The following CBFA2T3 variants were observed in gnomAD, a reference collection of about 807,000 sequenced individuals.
CBFA2T3 encodes the protein CBFA2/RUNX1 partner transcriptional co-repressor 3, also known as transcriptional corepressor CBFA2T3.
Under a neutral mutation model 58.6 loss-of-function variants are expected in CBFA2T3, and 31 were observed. The observed-to-expected ratio is 0.53, with a 90% CI of 0.40 to 0.71. The LOEUF (loss-of-function observed/expected upper bound fraction) is 0.71, where lower values mean the gene tolerates loss of function less well. CBFA2T3 is among the 30% of genes least tolerant of loss of function. CBFA2T3 has a pLI of 0.00. For synonymous variants in CBFA2T3, 531 were observed against 421.9 expected, an observed-to-expected ratio of 1.26 and a Z score of -3.17; for missense variants, 1,076 against 963.1, an observed-to-expected ratio of 1.12 and a Z score of -1.55.
chr16:88,968,125 G>A (rs1037680465), intron 1 of CBFA2T3, among the ~76,000 whole-genome samples: 5 of 152,238 alleles, frequency 3.3e-5, no homozygotes, highest in East Asian at 1.9e-4. Flanking sequence ...TACCGCCCAT[G>A]CTGGGGCCCA....
chr16:88,878,026 C>G (rs1051605309), intron 11 of CBFA2T3, among the ~76,000 whole-genome samples: 6 of 152,250 alleles, frequency 3.9e-5, no homozygotes, highest in African/African-American at 1.2e-4. Flanking sequence ...AGCTTCCCTG[C>G]GGACTAGGCA....
At chr16:88,891,005 G>A (rs894575828) in intron 5 of CBFA2T3, among the ~76,000 whole-genome samples, 6 of 152,258 alleles carry the variant, frequency 3.9e-5, no homozygotes, top group African/African-American at 1.4e-4. Flanking sequence ...GATTCAGCAG[G>A]TTTGGGCCGG....
chr16:88,881,221 G>C, intron 9 of CBFA2T3, 70 bp downstream of exon 9: 3 of 1,372,566 alleles, frequency 2.2e-6, no homozygotes, highest in African/African-American at 1.4e-5. Context: ...TTGCCTGCCT[G>C]ACAGCTCCCA....
chr16:88,902,151 T>C (rs1170891243), intron 1 of CBFA2T3, among the ~76,000 whole-genome samples: 2 of 152,170 alleles, frequency 1.3e-5, no homozygotes, highest in East Asian at 3.9e-4. Flanking sequence ...AAGCCATGGT[T>C]CTAAGAGTCC....
At chr16:88,920,531 C>G (rs1381029292) in intron 1 of CBFA2T3, among the ~76,000 whole-genome samples, 1 of 152,000 alleles carries the variant, frequency 6.6e-6, no homozygotes, top group African/African-American at 2.4e-5. Context: ...GTGATCCGCC[C>G]ACCTCGGCTT....
Position 88,885,282 on chromosome 16 carries a change from G to A in CBFA2T3, c.894-13C>T, listed in dbSNP as rs1439307282. ...GTTCTCTTTGGTCCTAGCCCCAAGAGCAGGTGGGGCGAGGGCAGTGGACAT... is the reference window on the plus strand; with the variant it reads ...GTTCTCTTTGGTCCTAGCCCCAAGAACAGGTGGGGCGAGGGCAGTGGACAT... On this transcript the variant is annotated splice_polypyrimidine_tract_variant and intron_variant, in intron 6 of 11. Transcript: ENST00000268679. The surrounding 1 kb of genome is among the most constrained non-coding windows in gnomAD (Gnocchi z 5.3). 3.3e-6 allele frequency: 5 copies of A among 1,518,112 alleles called. No individual in the cohort carries two copies. In the East Asian group the frequency reaches 1.2e-4, roughly 36 times the overall value. The allele number at this position is 1,518,112 out of a possible 1,614,324, so 94.0% of individuals were successfully genotyped here.
chr16:88,908,756 C>T lies in CBFA2T3; in HGVS notation c.152-7100G>A, dbSNP rs186688739. ...CTGCTTCCGCTGTAACCTTCTTTGA[C>T]CCCTCACAAAAGCCTTGGGGCATAG... On this transcript the variant is annotated intron_variant, in intron 1 of 11. Coordinates refer to ENST00000268679, the MANE Select transcript of CBFA2T3 (RefSeq NM_005187.6). 3.6e-3 allele frequency among the ~76,000 whole-genome samples: 555 copies of T among 152,378 alleles called. 2 individuals are homozygous for T. The highest frequency in any genetic ancestry group is 0.013 in the African/African-American group (532 of 41,586).
In CBFA2T3 at chr16:88,920,276, C is replaced by T. The variant is rs60408069; in HGVS notation, c.152-18620G>A. 9.9e-3 allele frequency among the ~76,000 whole-genome samples: 1,508 copies of T among 152,198 alleles called. 30 individuals carry two copies. Among genetic ancestry groups the T allele is most frequent in the African/African-American group, 0.035 (1,441 of 41,528 alleles). On this transcript the variant is annotated intron_variant, in intron 1 of 11. Transcript: ENST00000268679. Reference sequence around the variant, plus strand: ...CCTATGAGGGGAGAACTGAATTTTACATTTTATCTTCTTTTTTTGAGATGG... The same window carrying T: ...CCTATGAGGGGAGAACTGAATTTTATATTTTATCTTCTTTTTTTGAGATGG...
intron 1 of CBFA2T3, among the ~76,000 whole-genome samples, chr16:88,967,565 C>T (rs901498530): frequency 6.6e-6 from 1 of 152,130 alleles, no homozygotes; most frequent in African/African-American, 2.4e-5. Flanking sequence ...CCCATCTCGC[C>T]GCCCCCAGGT....
At chr16:88,880,962 G>C in intron 9 of CBFA2T3, 174 bp from the exon 10 acceptor site, 1 of 678,206 alleles carries the variant, frequency 1.5e-6, no homozygotes, top group Non-Finnish European at 2.6e-6. Flanking sequence ...CAGTGCCCGG[G>C]CACGGGGGGC....
chr16:88,905,031 G>A (rs1970252823), intron 1 of CBFA2T3, among the ~76,000 whole-genome samples: 1 of 152,106 alleles, frequency 6.6e-6, no homozygotes, highest in Non-Finnish European at 1.5e-5. Context: ...GACCCTCAGA[G>A]AAGATGAGGG....
intron 1 of CBFA2T3, among the ~76,000 whole-genome samples, chr16:88,905,858 G>T (rs1380292373): frequency 1.3e-5 from 2 of 150,104 alleles, no homozygotes; most frequent in African/African-American, 5.0e-5. Flanking sequence ...GCAGACATGG[G>T]GGGCTGGTTG....
chr16:88,895,198 G>A (rs1052113212), intron 3 of CBFA2T3, among the ~76,000 whole-genome samples: 2 of 152,230 alleles, frequency 1.3e-5, no homozygotes, highest in Admixed American at 1.3e-4. Context: ...ACCCTCCAGA[G>A]GGCACTGACC....
At chr16:88,970,469 G>C (rs1016762408) in intron 1 of CBFA2T3, among the ~76,000 whole-genome samples, 1 of 152,184 alleles carries the variant, frequency 6.6e-6, no homozygotes, top group African/African-American at 2.4e-5. Flanking sequence ...GGAGGACGTG[G>C]CCCACCCCAG....
chr16:88,957,381 TG>T (rs1406579355), intron 1 of CBFA2T3, among the ~76,000 whole-genome samples: 2 of 152,190 alleles, frequency 1.3e-5, no homozygotes, highest in East Asian at 3.8e-4. Context: ...GCACTCTCCG[TG>T]GGGCTGTCAC....
Position 88,881,165 on chromosome 16 carries a change from G to C in CBFA2T3, c.1402+126C>G, listed in dbSNP as rs764238679. The C allele has an allele frequency of 2.7e-5, 24 of 875,952 alleles. No homozygotes were observed. The African/African-American group carries it at 3.1e-4, about 11-fold the overall frequency. 54.3% of individuals were successfully genotyped at this position (875,952 alleles called of 1,614,324 possible). A position where few individuals can be genotyped will look rare whatever the true frequency, so the allele number is the denominator to read the frequency against. On this transcript the variant is annotated intron_variant, in intron 9 of 11. Coordinates refer to ENST00000268679, the MANE Select transcript of CBFA2T3 (RefSeq NM_005187.6). ...CGTGTTTTCCTACAAAGTGAAAAAG[G>C]TGCCTCTTTCTCAAGCGAAACTGTT...
chr16:88,923,246 G>A (rs532592135), intron 1 of CBFA2T3, among the ~76,000 whole-genome samples: 22 of 152,346 alleles, frequency 1.4e-4, no homozygotes, highest in East Asian at 1.3e-3. Flanking sequence ...GGGCCTCAGC[G>A]TTCTCCCTGT....
At chr16:88,909,351 G>T (rs1970445813) in intron 1 of CBFA2T3, among the ~76,000 whole-genome samples, 1 of 152,240 alleles carries the variant, frequency 6.6e-6, no homozygotes, top group Admixed American at 6.5e-5. Context: ...CAACCTGGGT[G>T]GGCAGCCTCA....
chr16:88,929,009 G>A (rs954940350), intron 1 of CBFA2T3, among the ~76,000 whole-genome samples: 3 of 152,216 alleles, frequency 2.0e-5, no homozygotes, highest in African/African-American at 4.8e-5. Context: ...GAGGCCCCAC[G>A]AGGACCTCGG....
Sources: gnomAD v4.1 joint callset for allele counts (sites outside exome capture counted in the v4.1 genomes callset) on GRCh38, gnomAD v4.1.1 for gene constraint, Gnocchi (gnomAD v3.1) non-coding constraint, MANE v1.5 for transcripts, NCBI Gene and HGNC (gene_info 2026-07-23, HGNC 2026-07-21) for gene names.